The following TGFBR3 variants were observed in gnomAD, a reference collection of about 807,000 sequenced individuals.
TGFBR3 encodes the protein transforming growth factor beta receptor type 3.
Under a neutral mutation model 87.9 loss-of-function variants are expected in TGFBR3, and 46 were observed. The observed-to-expected ratio is 0.52, with a 90% CI of 0.41 to 0.67. The LOEUF (loss-of-function observed/expected upper bound fraction) is 0.67. Among genes scored for constraint, TGFBR3 ranks in the 30% least tolerant of loss-of-function variants. The pLI, the probability that TGFBR3 is intolerant of heterozygous loss-of-function variation, is 0.00. For synonymous variants in TGFBR3, 381 were observed against 391.6 expected (o/e 0.97, Z 0.32); for missense variants, 866 against 1,041.9 (o/e 0.83, Z 2.32).
chr1:91,785,901 G>A (rs1048112293), intron 3 of TGFBR3, among the ~76,000 whole-genome samples: 3 of 151,636 alleles, frequency 2.0e-5, no homozygotes, highest in African/African-American at 7.3e-5. Flanking sequence ...CAAATAGCTG[G>A]GACCACAGGT....
chr1:91,827,605 G>T (rs901913), intron 2 of TGFBR3, among the ~76,000 whole-genome samples: 19,052 of 152,134 alleles, frequency 0.13, 1,505 homozygotes, highest in East Asian at 0.38. Context: ...TTCTTTGTAT[G>T]CACGCCGCAT....
chr1:91,800,487 G>A (rs1675579371), intron 2 of TGFBR3, among the ~76,000 whole-genome samples: 1 of 151,008 alleles, frequency 6.6e-6, no homozygotes, highest in African/African-American at 2.4e-5. Flanking sequence ...TCCAGCCTGG[G>A]TGACAGAGTG....
chr1:91,880,461 G>A (rs1313585278), intron 1 of TGFBR3, among the ~76,000 whole-genome samples: 1 of 152,042 alleles, frequency 6.6e-6, no homozygotes, highest in Non-Finnish European at 1.5e-5. Context: ...AGCTGGGCGT[G>A]GTGGCGGGCG....
At chr1:91,864,261 A>G (rs1398734046) in intron 1 of TGFBR3, 1 of 152,374 alleles carries the variant, frequency 6.6e-6, no homozygotes, top group South Asian at 2.1e-4. Flanking sequence ...CCAGGGGCTT[A>G]AGCCAGGTCT....
chr1:91,750,633 GA>G (rs1673504809), intron 4 of TGFBR3, among the ~76,000 whole-genome samples: 1 of 152,078 alleles, frequency 6.6e-6, no homozygotes. Context: ...TTTAAAAAAA[GA>G]AGAAGAACCA....
chr1:91,712,006 A>C (rs1671996860), intron 13 of TGFBR3, among the ~76,000 whole-genome samples: 1 of 152,204 alleles, frequency 6.6e-6, no homozygotes, highest in Admixed American at 6.5e-5. Context: ...AAGCGTCTTG[A>C]TTTATCACTC....
intron 1 of TGFBR3, among the ~76,000 whole-genome samples, chr1:91,863,565 C>T (rs888580043): frequency 1.3e-5 from 2 of 152,210 alleles, no homozygotes; most frequent in Non-Finnish European, 2.9e-5. Context: ...TGTCCATTCT[C>T]TTTGAGCTAT....
intron 3 of TGFBR3, among the ~76,000 whole-genome samples, chr1:91,791,308 TA>T (rs1188823620): frequency 1.4e-4 from 21 of 152,216 alleles, no homozygotes; most frequent in Non-Finnish European, 2.5e-4. Context: ...GACAAGAACA[TA>T]AAAGGCCCCT....
At chr1:91,865,801 A>G (rs1678374010) in intron 1 of TGFBR3, among the ~76,000 whole-genome samples, 1 of 151,784 alleles carries the variant, frequency 6.6e-6, no homozygotes, top group South Asian at 2.1e-4. Flanking sequence ...AGTCCCAGCT[A>G]CTCGGGAGGC....
At chr1:91,882,540 C>T (rs922041942) in intron 1 of TGFBR3, among the ~76,000 whole-genome samples, 3 of 152,028 alleles carry the variant, frequency 2.0e-5, no homozygotes, top group African/African-American at 7.2e-5. Context: ...GTCAGGAGAT[C>T]GAGACCTTCC....
At chr1:91,883,621 G>T (rs1025269312) in intron 1 of TGFBR3, among the ~76,000 whole-genome samples, 1 of 152,050 alleles carries the variant, frequency 6.6e-6, no homozygotes, top group Non-Finnish European at 1.5e-5. Context: ...ACTCCCCACG[G>T]GTTGCCTTTG....
chr1:91,734,670 C>A, intron 5 of TGFBR3, 106 bp downstream of exon 5: 1 of 1,426,694 alleles, frequency 7.0e-7, no homozygotes, highest in Non-Finnish European at 9.9e-7. Context: ...CTTCCAGGTC[C>A]AACATTCTGT....
chr1:91,889,489 A>G (rs1329365561), upstream of TGFBR3, among the ~76,000 whole-genome samples: 17 of 152,294 alleles, frequency 1.1e-4, no homozygotes, highest in East Asian at 3.1e-3. Flanking sequence ...GAAAAACACA[A>G]GAAATTACAT....
At chr1:91,836,893 G>A (rs559687836) in intron 2 of TGFBR3, among the ~76,000 whole-genome samples, 16 of 152,232 alleles carry the variant, frequency 1.1e-4, no homozygotes, top group Admixed American at 1.0e-3. Flanking sequence ...TGACAGAGCT[G>A]GCCCTCCACT....
At chr1:91,848,418 A>G (rs2101135571) in intron 2 of TGFBR3, among the ~76,000 whole-genome samples, 1 of 152,338 alleles carries the variant, frequency 6.6e-6, no homozygotes, top group Admixed American at 6.5e-5. Flanking sequence ...ATATTTGTTT[A>G]TAACCTCAAA....
chr1:91,819,278 G>A (rs1251967484), intron 2 of TGFBR3, among the ~76,000 whole-genome samples: 3 of 152,066 alleles, frequency 2.0e-5, no homozygotes, highest in Non-Finnish European at 4.4e-5. Context: ...TGAGGCAGGA[G>A]AATCACTTGA....
At chr1:91,899,129 G>C (rs898681360) in intron 2 of TGFBR3, among the ~76,000 whole-genome samples, 3 of 152,160 alleles carry the variant, frequency 2.0e-5, no homozygotes, top group Non-Finnish European at 4.4e-5. Context: ...CAAAATTGTT[G>C]AGAGTAAATT....
intron 2 of TGFBR3, among the ~76,000 whole-genome samples, chr1:91,837,431 A>C (rs1259638800): frequency 6.6e-6 from 1 of 152,018 alleles, no homozygotes; most frequent in Admixed American, 6.6e-5. Context: ...TTTTCAGTAG[A>C]GACGGGGTTT....
intron 1 of TGFBR3, among the ~76,000 whole-genome samples, chr1:91,870,851 T>C (rs1481388747): frequency 6.6e-6 from 1 of 152,114 alleles, no homozygotes; most frequent in East Asian, 1.9e-4. Context: ...CAGGAGTTTC[T>C]GAAAATAAAT....
Sources: allele counts gnomAD v4.1 joint callset (sites outside exome capture counted in the v4.1 genomes callset), GRCh38; gene constraint gnomAD v4.1.1; transcripts MANE v1.5; gene names NCBI Gene and HGNC (gene_info 2026-07-23, HGNC 2026-07-21).